TPST2: variants seen among roughly 807,000 people sequenced by gnomAD.
The protein encoded by TPST2 is protein-tyrosine sulfotransferase 2.
TPST2 carries 16 observed loss-of-function variants against 27.8 expected under a neutral mutation model. The observed-to-expected ratio is 0.58, with a 90% CI of 0.39 to 0.88. The LOEUF is 0.88. Among genes scored for constraint, TPST2 ranks in the 40% least tolerant of loss-of-function variants. The probability of loss-of-function intolerance (pLI) is 0.00; values close to 1 mark genes in which losing one functional copy is unlikely to be tolerated. For missense variants in TPST2, 464 were observed against 543.1 expected, an observed-to-expected ratio of 0.85 and a Z score of 1.45; for synonymous variants, 229 against 231.7, an observed-to-expected ratio of 0.99 and a Z score of 0.10.
chr22:26,529,245 G>C (rs886760028), intron 5 of TPST2, among the ~76,000 whole-genome samples: 1 of 152,142 alleles, frequency 6.6e-6, no homozygotes, highest in Middle Eastern at 3.2e-3. Flanking sequence ...TCCTGCCTCA[G>C]CCTTCCAAGT....
intron 1 of TPST2, among the ~76,000 whole-genome samples, chr22:26,573,814 T>C (rs1293218871): frequency 6.6e-6 from 1 of 152,198 alleles, no homozygotes; most frequent in Non-Finnish European, 1.5e-5. Context: ...GCCCCAATTC[T>C]GGGGTAGTGC....
intron 1 of TPST2, among the ~76,000 whole-genome samples, chr22:26,579,264 G>C (rs1927991892): frequency 6.6e-6 from 1 of 152,230 alleles, no homozygotes; most frequent in South Asian, 2.1e-4. Flanking sequence ...CCACGTAGCA[G>C]AATGAAGGGC....
intron 3 of TPST2, among the ~76,000 whole-genome samples, chr22:26,538,543 C>A (rs1354036443): frequency 6.6e-6 from 1 of 152,258 alleles, no homozygotes; most frequent in Non-Finnish European, 1.5e-5. Flanking sequence ...TGCTGCAGGT[C>A]AGGCGCGGTG....
At chr22:26,575,494 G>A (rs559455056) in intron 1 of TPST2, among the ~76,000 whole-genome samples, 14 of 152,122 alleles carry the variant, frequency 9.2e-5, no homozygotes, top group Admixed American at 9.2e-4. Context: ...CGGAGACAGC[G>A]ACACTATCAT....
chr22:26,582,740 C>T (rs1386221133), intron 1 of TPST2, among the ~76,000 whole-genome samples: 3 of 152,186 alleles, frequency 2.0e-5, no homozygotes, highest in Admixed American at 6.5e-5. Flanking sequence ...CAAGGCATGA[C>T]TTCCACTGAC....
intron 1 of TPST2, among the ~76,000 whole-genome samples, chr22:26,582,924 G>A (rs979779305): frequency 6.6e-6 from 1 of 152,000 alleles, no homozygotes; most frequent in Non-Finnish European, 1.5e-5. Context: ...AGGTAAGGTG[G>A]CACGGCACCC....
chr22:26,580,081 C>CA (rs1928037224), intron 1 of TPST2, among the ~76,000 whole-genome samples: 1 of 151,752 alleles, frequency 6.6e-6, no homozygotes, highest in Non-Finnish European at 1.5e-5. Flanking sequence ...CCCATTTCTA[C>CA]AAAAAATAAA....
intron 1 of TPST2, among the ~76,000 whole-genome samples, chr22:26,553,428 G>A (rs1175702561): frequency 6.6e-6 from 1 of 150,912 alleles, no homozygotes; most frequent in Non-Finnish European, 1.5e-5. Context: ...CTGGAGTGCA[G>A]TGGAGTGATC....
At chr22:26,548,860 T>C (rs745568635) in intron 1 of TPST2, among the ~76,000 whole-genome samples, 85 of 151,782 alleles carry the variant, frequency 5.6e-4, no homozygotes, top group Non-Finnish European at 9.1e-4. Flanking sequence ...CCCAGCTAAT[T>C]GGGATGCTGA....
chr22:26,551,141 T>C (rs754627510), intron 1 of TPST2, among the ~76,000 whole-genome samples: 1 of 131,290 alleles, frequency 7.6e-6, no homozygotes. Context: ...AAAAATTAGC[T>C]GGGCTTGATG....
chr22:26,527,337 C>T (rs1466622483), intron 6 of TPST2, among the ~76,000 whole-genome samples: 1 of 152,136 alleles, frequency 6.6e-6, no homozygotes, highest in Admixed American at 6.5e-5. Context: ...GCAGCCTTAA[C>T]TCCAGTGCCC....
intron 1 of TPST2, among the ~76,000 whole-genome samples, chr22:26,570,822 T>C: frequency 6.6e-6 from 1 of 151,878 alleles, no homozygotes; most frequent in Non-Finnish European, 1.5e-5. Flanking sequence ...GCAGCTTTGA[T>C]TCTTCTTTCT....
rs1925815002 is a variant in TPST2, at chr22:26,541,392, C to A, written c.239G>T (p.Gly80Val). 1.3e-6 allele frequency: 2 copies of A among 1,559,176 alleles called. No homozygotes were observed. The highest frequency in any genetic ancestry group is 1.7e-6 in the Non-Finnish European group (2 of 1,151,942). The part of the protein sequence containing the change: ...LIFVGGVPRS[G>V]TTLMRAMLDA... ...CAGCATGGCGCGCATCAACGTGGTG[C>A]CACTGCGAGGCACGCCACCCACGAA... The change falls in exon 3 of 7, where the codon GGC (glycine) becomes GTC (valine). Residue 80 changes from glycine to valine, a missense_variant. By Grantham distance (109) the Gly-to-Val change is moderately radical (BLOSUM62 -3). Coordinates refer to ENST00000338754, the MANE Select transcript of TPST2 (RefSeq NM_003595.5). This position sits in a 1 kb window ranked among gnomAD's most constrained non-coding sequence, Gnocchi z 5.9.
chr22:26,531,504 G>A (rs953283503), intron 5 of TPST2, among the ~76,000 whole-genome samples: 2 of 152,160 alleles, frequency 1.3e-5, no homozygotes. Flanking sequence ...CAGAGGTTTC[G>A]GCCACACTCC....
intron 3 of TPST2, among the ~76,000 whole-genome samples, chr22:26,539,171 G>A (rs988200148): frequency 6.6e-6 from 1 of 152,208 alleles, no homozygotes; most frequent in Non-Finnish European, 1.5e-5. Context: ...GCGGAGAGCA[G>A]CTGCGAGCCT....
At chr22:26,574,703 G>A (rs1333599109) in intron 1 of TPST2, among the ~76,000 whole-genome samples, 1 of 152,092 alleles carries the variant, frequency 6.6e-6, no homozygotes, top group Non-Finnish European at 1.5e-5. Context: ...AGGAAAAGGC[G>A]ACAGTGAGCA....
intron 1 of TPST2, among the ~76,000 whole-genome samples, chr22:26,553,101 C>G (rs984693251): frequency 1.1e-4 from 17 of 149,704 alleles, no homozygotes; most frequent in African/African-American, 3.2e-4. Flanking sequence ...CTATCAGCAG[C>G]ACCTGCCCTC....
At chr22:26,578,786 C>T (rs1395083838) in intron 1 of TPST2, among the ~76,000 whole-genome samples, 1 of 152,062 alleles carries the variant, frequency 6.6e-6, no homozygotes, top group Admixed American at 6.6e-5. Flanking sequence ...GAACAAGTTA[C>T]CTCAACTCTC....
chr22:26,565,555 G>C (rs1312437811), intron 1 of TPST2: 1 of 152,176 alleles, frequency 6.6e-6, no homozygotes, highest in Non-Finnish European at 1.5e-5. Context: ...GACTTGCCCT[G>C]GTCTCTGGAA....
Sources: gnomAD v4.1 joint callset for allele counts (sites outside exome capture counted in the v4.1 genomes callset) on GRCh38, gnomAD v4.1.1 for gene constraint, Gnocchi (gnomAD v3.1) non-coding constraint, MANE v1.5 for transcripts, NCBI Gene and HGNC (gene_info 2026-07-23, HGNC 2026-07-21) for gene names.